PTPRT: variants seen among roughly 807,000 people sequenced by gnomAD.
PTPRT encodes the protein protein tyrosine phosphatase receptor type T.
PTPRT carries 56 observed loss-of-function variants against 176.8 expected under a neutral mutation model. That is an observed-to-expected ratio of 0.32 (90% CI 0.26 to 0.40). The LOEUF (loss-of-function observed/expected upper bound fraction) is 0.40. Ranked by LOEUF, PTPRT falls within the 10% of genes least tolerant of loss-of-function variation. The pLI, the probability that PTPRT is intolerant of heterozygous loss-of-function variation, is 1.00. For synonymous variants in PTPRT, 783 were observed against 739.0 expected, an observed-to-expected ratio of 1.06 and a Z score of -0.96; for missense variants, 1,540 against 1,908.2, an observed-to-expected ratio of 0.81 and a Z score of 3.60.
At chr20:42,808,062 G>A in intron 2 of PTPRT, among the ~76,000 whole-genome samples, 1 of 152,164 alleles carries the variant, frequency 6.6e-6, no homozygotes, top group East Asian at 1.9e-4. Context: ...TGCACATCCA[G>A]CAACTGATGG....
chr20:43,143,086 C>A (rs2014066396), intron 1 of PTPRT, among the ~76,000 whole-genome samples: 1 of 152,134 alleles, frequency 6.6e-6, no homozygotes, highest in African/African-American at 2.4e-5. Flanking sequence ...GAGACCCTGC[C>A]CTGCCACGGC....
intron 7 of PTPRT, among the ~76,000 whole-genome samples, chr20:42,676,084 T>C (rs1321851641): frequency 6.6e-6 from 1 of 152,194 alleles, no homozygotes; most frequent in African/African-American, 2.4e-5. Flanking sequence ...GTCATCTTCA[T>C]TGGTGGTATC....
At chr20:43,030,497 T>C (rs1461614532) in intron 1 of PTPRT, among the ~76,000 whole-genome samples, 1 of 138,788 alleles carries the variant, frequency 7.2e-6, no homozygotes, top group Admixed American at 7.4e-5. Flanking sequence ...GGAAAGGGCA[T>C]TTCAGAACAA....
At chr20:42,170,867 C>T (rs922307924) in intron 16 of PTPRT, among the ~76,000 whole-genome samples, 8 of 152,054 alleles carry the variant, frequency 5.3e-5, no homozygotes, top group African/African-American at 1.7e-4. Flanking sequence ...TAAATCTTCA[C>T]GTGTAAAGAG....
chr20:42,916,371 A>G (rs2145943536), intron 1 of PTPRT, among the ~76,000 whole-genome samples: 1 of 152,128 alleles, frequency 6.6e-6, no homozygotes, highest in Admixed American at 6.5e-5. Flanking sequence ...TCGTTCTTGG[A>G]CATTTAGGTT....
intron 1 of PTPRT, among the ~76,000 whole-genome samples, chr20:43,169,984 G>A (rs2014955898): frequency 6.6e-6 from 1 of 152,026 alleles, no homozygotes; most frequent in Admixed American, 6.6e-5. Context: ...CAGTGCATTA[G>A]AAGGCAAGTC....
intron 2 of PTPRT, among the ~76,000 whole-genome samples, chr20:42,821,546 G>A (rs1798518245): frequency 1.3e-5 from 2 of 152,114 alleles, no homozygotes; most frequent in African/African-American, 4.8e-5. Context: ...ACACAGTATT[G>A]GAAGTTCTGG....
intron 9 of PTPRT, among the ~76,000 whole-genome samples, chr20:42,404,690 A>T (rs1056173783): frequency 3.9e-5 from 6 of 152,074 alleles, no homozygotes; most frequent in African/African-American, 7.2e-5. Flanking sequence ...TGGATTTGAC[A>T]AATTACAAGA....
At chr20:42,974,392 A>G (rs755006491) in intron 1 of PTPRT, among the ~76,000 whole-genome samples, 7 of 152,104 alleles carry the variant, frequency 4.6e-5, no homozygotes, top group Non-Finnish European at 7.4e-5. Flanking sequence ...CAGGAGTTTC[A>G]CTCAACTTTG....
intron 6 of PTPRT, 90 bp from the exon 7 acceptor site, chr20:42,678,249 GA>G (rs2075542899): frequency 2.4e-6 from 3 of 1,252,630 alleles, no homozygotes; most frequent in Non-Finnish European, 3.2e-6. Flanking sequence ...CAGAATTCTT[GA>G]TGTAGCCACA....
intron 9 of PTPRT, among the ~76,000 whole-genome samples, chr20:42,425,076 C>A (rs572205265): frequency 1.3e-5 from 2 of 152,032 alleles, no homozygotes; most frequent in East Asian, 1.9e-4. Context: ...TTGTGAGTTA[C>A]GTATTATGAG....
chr20:43,021,000 T>C (rs1193794911), intron 1 of PTPRT, among the ~76,000 whole-genome samples: 1 of 152,140 alleles, frequency 6.6e-6, no homozygotes, highest in Non-Finnish European at 1.5e-5. Context: ...AGACACTCCA[T>C]GCCAACTGAC....
chr20:42,311,691 C>A (rs1027319452), intron 12 of PTPRT, among the ~76,000 whole-genome samples: 1 of 144,002 alleles, frequency 6.9e-6, no homozygotes, highest in Non-Finnish European at 1.6e-5. Flanking sequence ...CACTTTTTTA[C>A]CCCCCCGTCA....
chr20:42,563,021 T>C (rs958509125), intron 7 of PTPRT, among the ~76,000 whole-genome samples: 9 of 152,080 alleles, frequency 5.9e-5, no homozygotes, highest in Admixed American at 2.0e-4. Context: ...CCTAAAAGTG[T>C]AATAAGGTTA....
intron 1 of PTPRT, among the ~76,000 whole-genome samples, chr20:43,139,270 T>A (rs1472241181): frequency 1.3e-5 from 2 of 152,214 alleles, no homozygotes; most frequent in Non-Finnish European, 2.9e-5. Flanking sequence ...TGTTGTTAAA[T>A]CTTGATTTTT....
downstream of PTPRT, among the ~76,000 whole-genome samples, chr20:42,072,170 C>T (rs1319906822): frequency 6.6e-6 from 1 of 152,146 alleles, no homozygotes; most frequent in African/African-American, 2.4e-5. Flanking sequence ...CACAGGCTAC[C>T]TTGTTGGTCC....
At chr20:42,265,246 C>T (rs556711643) in intron 13 of PTPRT, among the ~76,000 whole-genome samples, 1 of 152,260 alleles carries the variant, frequency 6.6e-6, no homozygotes, top group African/African-American at 2.4e-5. Flanking sequence ...TCTCTAATGT[C>T]TATGGGCACA....
chr20:42,245,631 T>G (rs2146900762), intron 14 of PTPRT, among the ~76,000 whole-genome samples: 1 of 152,260 alleles, frequency 6.6e-6, no homozygotes, highest in African/African-American at 2.4e-5. Context: ...CATCCATGGA[T>G]CTCAAGCCCA....
intron 1 of PTPRT, among the ~76,000 whole-genome samples, chr20:43,175,286 G>A (rs2015098624): frequency 6.6e-6 from 1 of 152,230 alleles, no homozygotes; most frequent in South Asian, 2.1e-4. Context: ...CTGTGATAAA[G>A]TTCTCTATTT....
Sources: allele counts gnomAD v4.1 joint callset (sites outside exome capture counted in the v4.1 genomes callset), GRCh38; gene constraint gnomAD v4.1.1; transcripts MANE v1.5; gene names NCBI Gene and HGNC (gene_info 2026-07-23, HGNC 2026-07-21).